RASSF3: variants seen among roughly 807,000 people sequenced by gnomAD.
RASSF3 encodes Ras association domain family member 3.
Under a neutral mutation model 19.9 loss-of-function variants are expected in RASSF3, and 19 were observed. The ratio of observed to expected loss-of-function variants is 0.96; its 90% CI spans 0.67 to 1.40. The LOEUF is 1.40. RASSF3 is among the 40% of genes most tolerant of loss of function. The pLI is 0.00. For synonymous variants in RASSF3, 110 were observed against 104.2 expected (o/e 1.06, Z -0.34); for missense variants, 306 against 289.8 (o/e 1.06, Z -0.41).
chr12:64,632,283 T>C (rs1257049499), intron 1 of RASSF3, among the ~76,000 whole-genome samples: 1 of 151,812 alleles, frequency 6.6e-6, no homozygotes, highest in East Asian at 1.9e-4. Flanking sequence ...AAAACTACGC[T>C]GGAAAGGAGG....
At chr12:64,587,007 T>A (rs1869819403) in intron 2 of RASSF3, among the ~76,000 whole-genome samples, 2 of 152,006 alleles carry the variant, frequency 1.3e-5, no homozygotes, top group Admixed American at 6.6e-5. Flanking sequence ...AGTTGATATG[T>A]TCTTTAAAAT....
chr12:64,696,247 A>G lies in RASSF3; in HGVS notation c.*1335A>G, dbSNP rs1314542603. Reference sequence around the variant, plus strand: ...ATCTTTAGTTCTAAAGGGCAACTTGACTGTGAGTAGGAGGGCCCCCAAGAA... The same window carrying G: ...ATCTTTAGTTCTAAAGGGCAACTTGGCTGTGAGTAGGAGGGCCCCCAAGAA... On this transcript the variant is annotated 3_prime_UTR_variant, in exon 5 of 5. Coordinates refer to ENST00000542104, the MANE Select transcript of RASSF3 (RefSeq NM_178169.4). The G allele has an allele frequency of 1.3e-5, 2 of 152,052 alleles. No homozygotes were observed. The highest frequency in any genetic ancestry group is 2.9e-5 in the Non-Finnish European group (2 of 68,018). 9.4% of individuals were successfully genotyped at this position (152,052 alleles called of 1,614,324 possible). A position where few individuals can be genotyped will look rare whatever the true frequency, so the allele number is the denominator to read the frequency against.
intron 1 of RASSF3, among the ~76,000 whole-genome samples, chr12:64,511,516 A>T (rs1868328073): frequency 6.6e-6 from 1 of 152,124 alleles, no homozygotes; most frequent in African/African-American, 2.4e-5. Flanking sequence ...TTTGAGATCT[A>T]GACTCTCCAC....
chr12:64,509,212 G>C (rs1868312101), intron 1 of RASSF3, among the ~76,000 whole-genome samples: 1 of 152,192 alleles, frequency 6.6e-6, no homozygotes. Context: ...CACTTTGGGA[G>C]GCCAAGGTGG....
At chr12:64,564,702 A>T (rs1053483462) in intron 2 of RASSF3, among the ~76,000 whole-genome samples, 1 of 152,220 alleles carries the variant, frequency 6.6e-6, no homozygotes, top group East Asian at 1.9e-4. Flanking sequence ...CATTTCTACA[A>T]GCTGCCATCT....
intron 2 of RASSF3, among the ~76,000 whole-genome samples, chr12:64,568,113 C>A (rs1310328331): frequency 6.6e-6 from 1 of 152,198 alleles, no homozygotes; most frequent in African/African-American, 2.4e-5. Flanking sequence ...CTCACTGCAA[C>A]CTCTGCCTCC....
intron 1 of RASSF3, among the ~76,000 whole-genome samples, chr12:64,662,590 A>T (rs1313193235): frequency 6.6e-6 from 1 of 152,202 alleles, no homozygotes; most frequent in Non-Finnish European, 1.5e-5. Context: ...CAAAAACAAG[A>T]TAAATGCCTA....
At position 64,688,457 on chromosome 12, in the gene RASSF3, C is replaced by G. The variant is rs1198980650; in HGVS notation, c.457+4C>G. On this transcript the variant is annotated splice_donor_region_variant and intron_variant, in intron 3 of 4. Transcript: ENST00000542104. ...CGTTGTCACAGGGAAGACCAAGGTA[C>G]GCTGCCAGCTTAAAAGGAAAATGGT... is the stretch of plus-strand genomic sequence containing the variant. The G allele has an allele frequency of 6.3e-7, 1 of 1,597,420 alleles. No homozygotes were observed.
At chr12:64,691,142 A>G (rs375407074) in intron 3 of RASSF3, among the ~76,000 whole-genome samples, 7 of 152,038 alleles carry the variant, frequency 4.6e-5, no homozygotes, top group East Asian at 1.9e-4. Context: ...GATTACAGGC[A>G]TGAGCCACCA....
chr12:64,637,710 A>C (rs1169422522), intron 1 of RASSF3, among the ~76,000 whole-genome samples: 1 of 151,960 alleles, frequency 6.6e-6, no homozygotes, highest in Non-Finnish European at 1.5e-5. Flanking sequence ...GATTACAGAC[A>C]TGAGCCACCA....
intron 1 of RASSF3, among the ~76,000 whole-genome samples, chr12:64,636,202 C>T (rs11838079): frequency 0.051 from 7,752 of 151,804 alleles, 679 homozygotes; most frequent in African/African-American, 0.18. Context: ...CTTCAACCCC[C>T]GCTTGCCAGG....
intron 1 of RASSF3, among the ~76,000 whole-genome samples, chr12:64,670,028 A>T: frequency 6.9e-6 from 1 of 144,628 alleles, no homozygotes; most frequent in Non-Finnish European, 1.5e-5. Context: ...TGGCAGTATC[A>T]GTTTTTTTTT....
chr12:64,512,836 T>A (rs551797817), intron 1 of RASSF3, among the ~76,000 whole-genome samples: 1 of 152,272 alleles, frequency 6.6e-6, no homozygotes, highest in South Asian at 2.1e-4. Flanking sequence ...CACTACAACT[T>A]TAAATCATCC....
At chr12:64,643,927 A>G (rs1005217453) in intron 1 of RASSF3, among the ~76,000 whole-genome samples, 2 of 152,222 alleles carry the variant, frequency 1.3e-5, no homozygotes, top group African/African-American at 4.8e-5. Flanking sequence ...AATCGAAAAT[A>G]TACTTTTCAT....
chr12:64,630,167 T>C (rs911238775), intron 1 of RASSF3, among the ~76,000 whole-genome samples: 9 of 152,058 alleles, frequency 5.9e-5, no homozygotes, highest in Non-Finnish European at 1.3e-4. Context: ...AGATTTTTCA[T>C]TCATCAAAAG....
intron 1 of RASSF3, among the ~76,000 whole-genome samples, chr12:64,649,496 A>G (rs1211403442): frequency 1.3e-5 from 2 of 152,120 alleles, no homozygotes; most frequent in Non-Finnish European, 2.9e-5. Flanking sequence ...CTGGCCAGCC[A>G]TCTGGATTTT....
At chr12:64,528,556 T>C (rs922246182), upstream of RASSF3, among the ~76,000 whole-genome samples, 3 of 152,132 alleles carry the variant, frequency 2.0e-5, no homozygotes, top group African/African-American at 7.2e-5. Flanking sequence ...CAAAGGCACA[T>C]TGGAAAGTAC....
At chr12:64,645,768 A>C (rs1871709517) in intron 1 of RASSF3, among the ~76,000 whole-genome samples, 1 of 152,194 alleles carries the variant, frequency 6.6e-6, no homozygotes, top group Non-Finnish European at 1.5e-5. Context: ...ACTTATATAC[A>C]ATAAAATGCA....
At chr12:64,511,927 T>C (rs1475332052) in intron 1 of RASSF3, among the ~76,000 whole-genome samples, 2 of 152,122 alleles carry the variant, frequency 1.3e-5, no homozygotes, top group Non-Finnish European at 2.9e-5. Flanking sequence ...TCCTGCCCCA[T>C]GTTTTATCAG....
Sources: allele counts gnomAD v4.1 joint callset (sites outside exome capture counted in the v4.1 genomes callset), GRCh38; gene constraint gnomAD v4.1.1; transcripts MANE v1.5; gene names NCBI Gene and HGNC (gene_info 2026-07-23, HGNC 2026-07-21).